The following CERS3 variants were observed in gnomAD, a reference collection of about 807,000 sequenced individuals.
The protein encoded by CERS3 is LAG1 homolog, ceramide synthase 3.
In CERS3, 33 loss-of-function variants were observed where a neutral mutation model predicts 50.3. That is an observed-to-expected ratio of 0.66 (90% CI 0.50 to 0.88). The LOEUF is 0.88. Among genes scored for constraint, CERS3 ranks in the 40% least tolerant of loss-of-function variants. The pLI is 0.00. For missense variants in CERS3, 470 were observed against 460.3 expected (o/e 1.02, Z -0.19); for synonymous variants, 176 against 155.2 (o/e 1.13, Z -0.99).
intron 11 of CERS3, among the ~76,000 whole-genome samples, chr15:100,430,330 CAAAAG>C (rs1181746814): frequency 1.3e-5 from 2 of 151,568 alleles, no homozygotes; most frequent in Non-Finnish European, 2.9e-5. Flanking sequence ...AAAGAATGAC[CAAAAG>C]AAAACAAAAA....
chr15:100,509,104 C>G (rs774331099), intron 2 of CERS3, among the ~76,000 whole-genome samples: 7 of 152,140 alleles, frequency 4.6e-5, no homozygotes, highest in Non-Finnish European at 1.0e-4. Context: ...CCAAAAGTTT[C>G]CAAGAAGACA....
chr15:100,421,637 G>C (rs1269534679), intron 11 of CERS3, among the ~76,000 whole-genome samples: 1 of 149,512 alleles, frequency 6.7e-6, no homozygotes, highest in Non-Finnish European at 1.5e-5. Flanking sequence ...TCAATCCTAA[G>C]CCAAAAGAAC....
intron 7 of CERS3, among the ~76,000 whole-genome samples, chr15:100,476,380 T>C (rs115642772): frequency 0.015 from 2,265 of 152,308 alleles, 57 homozygotes; most frequent in African/African-American, 0.052. Context: ...TAGAGACAAG[T>C]ATTCCAAACC....
At chr15:100,466,784 CCTTCCTT>C in intron 10 of CERS3, among the ~76,000 whole-genome samples, 1 of 21,814 alleles carries the variant, frequency 4.6e-5, no homozygotes, top group African/African-American at 9.6e-5. Flanking sequence ...TTCCTTCCTT[CCTTCCTT>C]CCTCCCTCCC....
chr15:100,448,441 A>G (rs2034025625), intron 11 of CERS3, among the ~76,000 whole-genome samples: 1 of 152,206 alleles, frequency 6.6e-6, no homozygotes, highest in African/African-American at 2.4e-5. Context: ...CATTCCCATC[A>G]TGGACTCCTG....
intron 2 of CERS3, among the ~76,000 whole-genome samples, chr15:100,510,619 C>A (rs2036312601): frequency 6.6e-6 from 1 of 152,174 alleles, no homozygotes; most frequent in Admixed American, 6.5e-5. Context: ...CCAGCCTCCC[C>A]AGATGTGGCA....
chr15:100,425,237 G>A (rs1407852421), intron 11 of CERS3, among the ~76,000 whole-genome samples: 2 of 152,222 alleles, frequency 1.3e-5, no homozygotes, highest in Admixed American at 6.5e-5. Flanking sequence ...GTGGAGCTGC[G>A]AGAAGAGGGC....
At chr15:100,418,722 C>T (rs879465887) in intron 11 of CERS3, among the ~76,000 whole-genome samples, 6,094 of 134,536 alleles carry the variant, frequency 0.045, 225 homozygotes, top group Middle Eastern at 0.07. Flanking sequence ...ATCAGACTAA[C>T]AGCAGATCTC....
chr15:100,508,345 C>A (rs1049690522), intron 2 of CERS3, among the ~76,000 whole-genome samples: 2 of 152,128 alleles, frequency 1.3e-5, no homozygotes, highest in African/African-American at 4.8e-5. Flanking sequence ...AAGGAGGCTG[C>A]TGGCTTCCCT....
chr15:100,477,308 T>C (rs1180613479), intron 7 of CERS3, among the ~76,000 whole-genome samples: 2 of 152,192 alleles, frequency 1.3e-5, no homozygotes, highest in Admixed American at 1.3e-4. Context: ...TTTTATTGAA[T>C]TCTTTAATGC....
chr15:100,499,438 A>G (rs551221794), intron 3 of CERS3, among the ~76,000 whole-genome samples: 1 of 152,366 alleles, frequency 6.6e-6, no homozygotes, highest in African/African-American at 2.4e-5. Context: ...TCTTAAATAC[A>G]AAGTAAATGT....
At chr15:100,474,162 A>G (rs1380830336) in intron 8 of CERS3, among the ~76,000 whole-genome samples, 3 of 152,144 alleles carry the variant, frequency 2.0e-5, no homozygotes, top group Admixed American at 2.0e-4. Context: ...GCTAAATGGT[A>G]TAGAGTTTCT....
chr15:100,506,943 A>G (rs180725750), intron 2 of CERS3, among the ~76,000 whole-genome samples: 7 of 152,308 alleles, frequency 4.6e-5, no homozygotes, highest in African/African-American at 1.7e-4. Context: ...TGGTATGTAA[A>G]TTATACCTCC....
intron 2 of CERS3, among the ~76,000 whole-genome samples, chr15:100,504,105 G>A (rs1389857125): frequency 6.6e-6 from 1 of 152,092 alleles, no homozygotes; most frequent in Non-Finnish European, 1.5e-5. Flanking sequence ...CCAAAACCAA[G>A]AATTGAACCC....
chr15:100,504,610 C>T (rs148722481), intron 2 of CERS3, among the ~76,000 whole-genome samples: 18 of 152,148 alleles, frequency 1.2e-4, no homozygotes, highest in African/African-American at 3.1e-4. Flanking sequence ...TATACCATTG[C>T]GAAGTTGTGT....
chr15:100,417,441 G>C (rs1278085960), intron 11 of CERS3, among the ~76,000 whole-genome samples: 1 of 152,058 alleles, frequency 6.6e-6, no homozygotes, highest in African/African-American at 2.4e-5. Context: ...ACCCCACGGA[G>C]TCTCGCTGAT....
At chr15:100,422,816 T>C (rs2032538400) in intron 11 of CERS3, among the ~76,000 whole-genome samples, 2 of 143,602 alleles carry the variant, frequency 1.4e-5, no homozygotes, top group South Asian at 4.7e-4. Flanking sequence ...ATCATCATTC[T>C]CAGTAAACTA....
intron 10 of CERS3, among the ~76,000 whole-genome samples, chr15:100,464,180 T>A (rs1218486999): frequency 6.6e-6 from 1 of 152,186 alleles, no homozygotes; most frequent in African/African-American, 2.4e-5. Context: ...CAAGCATATG[T>A]ATCCTTGGAA....
intron 10 of CERS3, among the ~76,000 whole-genome samples, chr15:100,465,995 T>A (rs902385798): frequency 1.3e-5 from 2 of 152,194 alleles, no homozygotes; most frequent in Non-Finnish European, 2.9e-5. Context: ...CTGTTCATAT[T>A]GGTTTATTTG....
Sources: allele counts gnomAD v4.1 joint callset (sites outside exome capture counted in the v4.1 genomes callset), GRCh38; gene constraint gnomAD v4.1.1; transcripts MANE v1.5; gene names NCBI Gene and HGNC (gene_info 2026-07-23, HGNC 2026-07-21).